The following ADAMTSL3 variants were observed in gnomAD, a reference collection of about 807,000 sequenced individuals.
The protein encoded by ADAMTSL3 is ADAMTS like 3.
ADAMTSL3 carries 128 observed loss-of-function variants against 201.7 expected under a neutral mutation model. The observed-to-expected ratio is 0.63, with a 90% CI of 0.55 to 0.73. The LOEUF (loss-of-function observed/expected upper bound fraction) is 0.73, where lower values mean the gene tolerates loss of function less well. Among genes scored for constraint, ADAMTSL3 ranks in the 30% least tolerant of loss-of-function variants. The probability of loss-of-function intolerance (pLI) is 0.00; values close to 1 mark genes in which losing one functional copy is unlikely to be tolerated. For missense variants in ADAMTSL3, 1,990 were observed against 2,119.6 expected (o/e 0.94, Z 1.20); for synonymous variants, 738 against 748.4 (o/e 0.99, Z 0.23).
intron 2 of ADAMTSL3, among the ~76,000 whole-genome samples, chr15:83,697,585 A>G (rs1157902807): frequency 6.6e-6 from 1 of 152,210 alleles, no homozygotes; most frequent in Non-Finnish European, 1.5e-5. Context: ...TACATCTTCT[A>G]GCTTATAAAG....
intron 2 of ADAMTSL3, among the ~76,000 whole-genome samples, chr15:83,688,586 A>T (rs2141447989): frequency 6.6e-6 from 1 of 151,944 alleles, no homozygotes; most frequent in Non-Finnish European, 1.5e-5. Context: ...TTTAACCTTT[A>T]CGTTCTTTTA....
intron 23 of ADAMTSL3, among the ~76,000 whole-genome samples, chr15:84,013,516 A>G (rs369918540): frequency 2.6e-5 from 4 of 152,308 alleles, no homozygotes; most frequent in African/African-American, 9.6e-5. Flanking sequence ...TAAGAGCCAG[A>G]TGAGGTCAGG....
At chr15:83,674,698 T>TATATATACATATACACACAC (rs2061372539) in intron 2 of ADAMTSL3, among the ~76,000 whole-genome samples, 1 of 124,252 alleles carries the variant, frequency 8.0e-6, no homozygotes. Flanking sequence ...TATATACACA[T>TATATATACATATACACACAC]ATATATACAT....
At chr15:83,743,301 C>T (rs1253393808) in intron 3 of ADAMTSL3, among the ~76,000 whole-genome samples, 1 of 152,002 alleles carries the variant, frequency 6.6e-6, no homozygotes, top group African/African-American at 2.4e-5. Context: ...ATCATGAGGT[C>T]AGGAGATCGA....
chr15:83,841,661 G>C (rs560629054), intron 7 of ADAMTSL3, among the ~76,000 whole-genome samples: 35 of 149,812 alleles, frequency 2.3e-4, no homozygotes, highest in African/African-American at 7.4e-4. Context: ...GATACGGGAG[G>C]GGGGGCAGGA....
At position 83,991,185 on chromosome 15, in the gene ADAMTSL3, C is replaced by A. The variant is rs985020661; in HGVS notation, c.3944C>A (p.Ala1315Glu). 6.2e-7 allele frequency: 1 copy of A among 1,614,058 alleles called. No individual in the cohort carries two copies. Among genetic ancestry groups the A allele is most frequent in the Admixed American group, 1.7e-5 (1 of 60,006 alleles). Residue 1315 changes from alanine (A) to glutamate (E), a missense_variant, in exon 23 of 30, where the codon GCA (alanine) becomes GAA (glutamate). Transcript: ENST00000286744. ...VGGIVEAALG[A>E]NVTIRCPVKG... ...GGCATCGTGGAGGCAGCCCTTGGAGCAAACGTGACAATCCGATGTCCTGTA... is the reference window on the plus strand; with the variant it reads ...GGCATCGTGGAGGCAGCCCTTGGAGAAAACGTGACAATCCGATGTCCTGTA...
rs2141989994 is a variant in ADAMTSL3 at position 83,923,929 on chromosome 15, C to T, written c.2013C>T (p.Cys671=). The change falls in exon 17 of 30, where the codon TGC becomes TGT. Residue 671 remains cysteine, a synonymous_variant. Transcript: ENST00000286744. ...VGGHQEAIAV[C]LHIQTQQTVN... ...GCCATCAAGAAGCCATAGCAGTGTG[C>T]TTACATATCCAGACCCAGCAGACAG... is the stretch of plus-strand genomic sequence containing the variant. 1 of 1,614,158 alleles carries T rather than the reference C, an allele frequency of 6.2e-7. No homozygotes were observed.
At chr15:84,003,961 C>T (rs1215466204) in intron 23 of ADAMTSL3, among the ~76,000 whole-genome samples, 4 of 152,088 alleles carry the variant, frequency 2.6e-5, no homozygotes, top group Non-Finnish European at 5.9e-5. Context: ...TGGAATTCAA[C>T]CCCCGGAAAT....
At position 83,987,190 on chromosome 15, in the gene ADAMTSL3, A is replaced by T. The variant is rs963184880; in HGVS notation, c.3717-1501A>T. ...ACTATTTCTCCTCCATCAGGATTTG[A>T]CACTGAAAATCTTGCCTTACTAACA... is the stretch of plus-strand genomic sequence containing the variant. On this transcript the variant is annotated intron_variant, in intron 21 of 29. Coordinates refer to ENST00000286744, the MANE Select transcript of ADAMTSL3 (RefSeq NM_207517.3). 3.3e-5 allele frequency among the ~76,000 whole-genome samples: 5 copies of T among 152,350 alleles called. No homozygotes were observed. In the Middle Eastern group the frequency reaches 0.014, roughly 415 times the overall value.
At chr15:83,715,927 T>C (rs1486128820) in intron 3 of ADAMTSL3, among the ~76,000 whole-genome samples, 1 of 152,208 alleles carries the variant, frequency 6.6e-6, no homozygotes, top group African/African-American at 2.4e-5. Flanking sequence ...CTTAGTGCCA[T>C]CTCTTCCAGG....
chr15:84,026,947 T>A (rs1471987431), intron 27 of ADAMTSL3, among the ~76,000 whole-genome samples: 4 of 152,174 alleles, frequency 2.6e-5, no homozygotes, highest in African/African-American at 9.6e-5. Context: ...ATTAAAAACT[T>A]GTGCTGCAAA....
At chr15:84,037,278 C>G (rs1020529956) in intron 29 of ADAMTSL3, among the ~76,000 whole-genome samples, 1 of 152,138 alleles carries the variant, frequency 6.6e-6, no homozygotes, top group Admixed American at 6.5e-5. Context: ...TCTCTTCTGC[C>G]TGGTAGTCTT....
chr15:83,826,340 C>G (rs1362038227), intron 6 of ADAMTSL3, among the ~76,000 whole-genome samples: 1 of 151,846 alleles, frequency 6.6e-6, no homozygotes, highest in Non-Finnish European at 1.5e-5. Flanking sequence ...CCAGGCTGAT[C>G]TCCAAGTCCT....
rs68134290 is a variant in ADAMTSL3, at chr15:83,971,558, C to CAAA, written c.2644+938_2644+940dup. On this transcript the variant is annotated intron_variant, in intron 20 of 29. Coordinates refer to ENST00000286744, the MANE Select transcript of ADAMTSL3 (RefSeq NM_207517.3). ...GGCGACAGAGTGTGAGACTCTGTCT[C>CAAA]AAAAAAAAAAAAAAAAAAAGAAAGA... 6.5e-3 allele frequency among the ~76,000 whole-genome samples: 415 copies of CAAA among 63,774 alleles called. 7 individuals are homozygous for CAAA. The highest frequency in any genetic ancestry group is 0.023 in the African/African-American group (392 of 16,720). The allele number at this position is 63,774 out of a possible 152,430, so 41.8% of individuals were successfully genotyped here.
chr15:83,974,842 A>T (rs2067254505), intron 20 of ADAMTSL3, among the ~76,000 whole-genome samples: 1 of 152,082 alleles, frequency 6.6e-6, no homozygotes, highest in Admixed American at 6.5e-5. Flanking sequence ...CAAAGTACTG[A>T]GATCAGGATG....
At chr15:83,776,536 G>A (rs1288374335) in intron 4 of ADAMTSL3, among the ~76,000 whole-genome samples, 6 of 152,160 alleles carry the variant, frequency 3.9e-5, no homozygotes, top group African/African-American at 1.4e-4. Flanking sequence ...TGACCAACAT[G>A]GAGAAAGCCC....
chr15:83,909,735 C>T (rs905812601), intron 15 of ADAMTSL3, among the ~76,000 whole-genome samples: 10 of 152,078 alleles, frequency 6.6e-5, no homozygotes, highest in Non-Finnish European at 1.2e-4. Flanking sequence ...CTGCCTCAGC[C>T]TCCCGAGTAG....
intron 7 of ADAMTSL3, among the ~76,000 whole-genome samples, chr15:83,842,746 G>C (rs1368787041): frequency 6.6e-6 from 1 of 152,204 alleles, no homozygotes; most frequent in African/African-American, 2.4e-5. Flanking sequence ...AGTGAACACA[G>C]TTTGAAGAGA....
intron 2 of ADAMTSL3, among the ~76,000 whole-genome samples, chr15:83,695,484 G>A (rs2061676084): frequency 6.6e-6 from 1 of 151,982 alleles, no homozygotes. Flanking sequence ...CCACCTCACT[G>A]ACCTAGGAGG....
Sources: allele counts gnomAD v4.1 joint callset (sites outside exome capture counted in the v4.1 genomes callset), GRCh38; gene constraint gnomAD v4.1.1; transcripts MANE v1.5; gene names NCBI Gene and HGNC (gene_info 2026-07-23, HGNC 2026-07-21).